The following CELF2 variants were observed in gnomAD, a reference collection of about 807,000 sequenced individuals.
CELF2 encodes the protein CUGBP Elav-like family member 2.
In CELF2, 8 loss-of-function variants were observed where a neutral mutation model predicts 62.6. The observed-to-expected ratio is 0.13, with a 90% CI of 0.07 to 0.23. CELF2 has a LOEUF of 0.23. Ranked by LOEUF, CELF2 falls within the 10% of genes least tolerant of loss-of-function variation. The probability of loss-of-function intolerance (pLI) is 1.00; values close to 1 mark genes in which losing one functional copy is unlikely to be tolerated. For synonymous variants in CELF2, 258 were observed against 250.0 expected (o/e 1.03, Z -0.30); for missense variants, 333 against 671.0 (o/e 0.50, Z 5.56).
At chr10:11,274,838 AG>A (rs1446389159) in intron 7 of CELF2, among the ~76,000 whole-genome samples, 1 of 49,100 alleles carries the variant, frequency 2.0e-5, no homozygotes, top group Non-Finnish European at 8.7e-5. Context: ...AATTGTTTTA[AG>A]GCAGCAGTGT....
Position 10,931,410 on chromosome 10 carries a change from G to A in CELF2, c.89+11411G>A, listed in dbSNP as rs1476958875. On this transcript the variant is annotated intron_variant, in intron 2 of 13. Transcript: ENST00000636488. This position sits in a 1 kb window ranked among gnomAD's most constrained non-coding sequence, Gnocchi z 6.1. ...AGGAATAATGCCAAGCTCCATAAAG[G>A]ATTCTAAAGAGAAACTCATACTGGA... 6.6e-6 allele frequency among the ~76,000 whole-genome samples: 1 copy of A among 152,092 alleles called. No individual in the cohort carries two copies. The highest frequency in any genetic ancestry group is 1.5e-5 in the Non-Finnish European group (1 of 68,024).
the CELF2 span, among the ~76,000 whole-genome samples, chr10:10,683,635 G>A: frequency 2.0e-5 from 3 of 152,258 alleles, no homozygotes; most frequent in East Asian, 3.9e-4. Context: ...GACATATGGC[G>A]CAGTTTTAGA....
chr10:10,893,512 TC>T (rs2062303940), intron 1 of CELF2, among the ~76,000 whole-genome samples: 1 of 152,126 alleles, frequency 6.6e-6, no homozygotes, highest in Admixed American at 6.6e-5. Context: ...CTGTACAGGG[TC>T]CCCAGAGCAA....
At chr10:11,251,422 A>G (rs2077124974) in intron 4 of CELF2, among the ~76,000 whole-genome samples, 1 of 151,948 alleles carries the variant, frequency 6.6e-6, no homozygotes, top group South Asian at 2.1e-4. Context: ...TGAGAATCAC[A>G]TTTGCTTTGG....
Position 11,217,347 on chromosome 10 carries a change from T to A in CELF2, c.272-78T>A, listed in dbSNP as rs768952536. ...ATTGTGCGTCCTTTTAAGTAGATTGTTTGTTCGCCACAGTCTCCATTATAT... is the reference window on the plus strand; with the variant it reads ...ATTGTGCGTCCTTTTAAGTAGATTGATTGTTCGCCACAGTCTCCATTATAT... On this transcript the variant is annotated intron_variant, in intron 2 of 12. Coordinates refer to ENST00000633077, the MANE Select transcript of CELF2 (RefSeq NM_001326342.2). The surrounding 1 kb of genome is among the most constrained non-coding windows in gnomAD (Gnocchi z 5.6). 9 of 958,378 alleles carry A rather than the reference T, an allele frequency of 9.4e-6. No homozygotes were observed. Among genetic ancestry groups the A allele is most frequent in the Middle Eastern group, 2.3e-4 (1 of 4,302 alleles). The allele number at this position is 958,378 out of a possible 1,614,324, so 59.4% of individuals were successfully genotyped here.
intron 1 of CELF2, among the ~76,000 whole-genome samples, chr10:11,107,370 C>CT (rs944099985): frequency 5.3e-5 from 8 of 152,162 alleles, no homozygotes; most frequent in African/African-American, 1.9e-4. Context: ...ACACCACACA[C>CT]TTGTGAGCTT....
At chr10:11,105,228 T>G (rs888066480) in intron 1 of CELF2, among the ~76,000 whole-genome samples, 17 of 152,172 alleles carry the variant, frequency 1.1e-4, no homozygotes, top group African/African-American at 3.6e-4. Context: ...AAGTAATGAT[T>G]CTGGAGCCAG....
rs2082883889 is a variant in CELF2, at chr10:11,268,769, GTTGT to G, written c.619-1894_619-1891del. On this transcript the variant is annotated intron_variant, in intron 6 of 12. Transcript: ENST00000633077. This position sits in a 1 kb window ranked among gnomAD's most constrained non-coding sequence, Gnocchi z 4.7. ...GTCACATTATAATTGTTTGACTAAC[GTTGT>G]TTATTTTTAACTAATTATATTATTT... is the stretch of plus-strand genomic sequence containing the variant. Among the ~76,000 whole-genome samples, 1 of 151,914 alleles carries G rather than the reference GTTGT, an allele frequency of 6.6e-6. No homozygotes were observed. Among genetic ancestry groups the G allele is most frequent in the Non-Finnish European group, 1.5e-5 (1 of 68,002 alleles).
intron 1 of CELF2, among the ~76,000 whole-genome samples, chr10:11,065,772 G>A (rs539258696): frequency 3.5e-4 from 54 of 152,250 alleles, no homozygotes; most frequent in Admixed American, 1.7e-3. Flanking sequence ...TTACTTAGAA[G>A]GTACTATGGT....
chr10:10,673,048 G>C, the CELF2 span, among the ~76,000 whole-genome samples: 1 of 151,642 alleles, frequency 6.6e-6, no homozygotes, highest in Admixed American at 6.6e-5. Flanking sequence ...TTTTTTGAGG[G>C]CACTAATGCA....
At chr10:10,671,794 A>G in the CELF2 span, among the ~76,000 whole-genome samples, 2 of 151,378 alleles carry the variant, frequency 1.3e-5, no homozygotes, top group South Asian at 4.2e-4. Flanking sequence ...CAGTGGTGCA[A>G]TCTCAGCTCA....
Position 11,336,451 on chromosome 10 carries a change from C to A in CELF2, c.*7398C>A, listed in dbSNP as rs2096120146. Reference sequence around the variant, plus strand: ...TGCACTTGCTATCAGGAACACAATACTGGATGTGTCTTATATATATTGAAC... The same window carrying A: ...TGCACTTGCTATCAGGAACACAATAATGGATGTGTCTTATATATATTGAAC... On this transcript the variant is annotated 3_prime_UTR_variant, in exon 13 of 13. Transcript: ENST00000633077. This position sits in a 1 kb window ranked among gnomAD's most constrained non-coding sequence, Gnocchi z 5.4. 6.6e-6 allele frequency: 1 copy of A among 152,570 alleles called. No homozygotes were observed. The highest frequency in any genetic ancestry group is 1.5e-5 in the Non-Finnish European group (1 of 68,026). The allele number at this position is 152,570 out of a possible 1,614,324, so 9.5% of individuals were successfully genotyped here. A position where few individuals can be genotyped will look rare whatever the true frequency, so the allele number is the denominator to read the frequency against.
At chr10:11,326,069 T>G (rs945220992) in intron 12 of CELF2, 90 bp downstream of exon 12, 2 of 1,301,984 alleles carry the variant, frequency 1.5e-6, no homozygotes, top group African/African-American at 3.0e-5. Context: ...TCAGCCAGGA[T>G]AGGGCCTTCC....
At chr10:10,576,614 T>G in the CELF2 span, among the ~76,000 whole-genome samples, 1 of 152,150 alleles carries the variant, frequency 6.6e-6, no homozygotes, top group Non-Finnish European at 1.5e-5. Context: ...CCATTGTACT[T>G]TTACCCATGC....
At chr10:10,640,130 C>T in the CELF2 span, among the ~76,000 whole-genome samples, 4 of 152,300 alleles carry the variant, frequency 2.6e-5, no homozygotes, top group South Asian at 8.3e-4. Context: ...CTACTTAACA[C>T]TATTCCTTAT....
At chr10:11,188,177 C>T (rs1383535426) in intron 2 of CELF2, among the ~76,000 whole-genome samples, 1 of 152,234 alleles carries the variant, frequency 6.6e-6, no homozygotes, top group African/African-American at 2.4e-5. Flanking sequence ...GCAATCTCAG[C>T]TCACCGCAAC....
the CELF2 span, among the ~76,000 whole-genome samples, chr10:10,626,071 G>T: frequency 6.6e-6 from 1 of 152,086 alleles, no homozygotes; most frequent in African/African-American, 2.4e-5. Context: ...AATATGTTTT[G>T]GGATTTGCTC....
intron 1 of CELF2, among the ~76,000 whole-genome samples, chr10:11,127,142 G>A (rs2058840216): frequency 6.6e-6 from 1 of 152,088 alleles, no homozygotes; most frequent in Admixed American, 6.5e-5. Context: ...AGAACATGTG[G>A]TGTTTGGTTT....
chr10:11,301,383 TC>T (rs1292785728), intron 9 of CELF2, among the ~76,000 whole-genome samples: 1 of 5,212 alleles, frequency 1.9e-4, no homozygotes, highest in African/African-American at 8.0e-4. Flanking sequence ...CCCCCCCACT[TC>T]CCCCCTCCCC....
Sources: allele counts gnomAD v4.1 joint callset (sites outside exome capture counted in the v4.1 genomes callset), GRCh38; gene constraint gnomAD v4.1.1; non-coding constraint Gnocchi (gnomAD v3.1); transcripts MANE v1.5; gene names NCBI Gene and HGNC (gene_info 2026-07-23, HGNC 2026-07-21).